The following RBP7 variants were observed in gnomAD, a reference collection of about 807,000 sequenced individuals.
RBP7 encodes the protein retinoid-binding protein 7.
Under a neutral mutation model 16.7 loss-of-function variants are expected in RBP7, and 13 were observed. The observed-to-expected ratio is 0.78, with a 90% CI of 0.51 to 1.24. The LOEUF is 1.24. Ranked by LOEUF, RBP7 falls within the 50% of genes most tolerant of loss-of-function variation. RBP7 has a pLI of 0.00. For synonymous variants in RBP7, 54 were observed against 56.2 expected (o/e 0.96, Z 0.17); for missense variants, 145 against 159.5 (o/e 0.91, Z 0.49).
intron 3 of RBP7, among the ~76,000 whole-genome samples, chr1:10,010,814 C>T (rs1008827850): frequency 6.6e-6 from 1 of 152,092 alleles, no homozygotes; most frequent in African/African-American, 2.4e-5. Flanking sequence ...GAACTCCCGA[C>T]CTCAGGTGAT....
chr1:10,011,179 C>T (rs1642606385), intron 3 of RBP7, among the ~76,000 whole-genome samples: 1 of 152,004 alleles, frequency 6.6e-6, no homozygotes, highest in Admixed American at 6.6e-5. Flanking sequence ...TTTCTTCCCC[C>T]TCATTCTTGC....
rs1447810602 is a variant in RBP7 at position 9,997,228 on chromosome 1, G to A, written c.-31G>A. On this transcript the variant is annotated 5_prime_UTR_variant, in exon 1 of 4. Coordinates refer to ENST00000294435, the MANE Select transcript of RBP7 (RefSeq NM_052960.3). The surrounding 1 kb of genome is among the most constrained non-coding windows in gnomAD (Gnocchi z 5.9). ...TAGGTCCCGGCCCGAGCCTCCGGCC[G>A]CCCGCCGGGTTTGTCCCGCGATCCC... is the stretch of plus-strand genomic sequence containing the variant. The A allele has an allele frequency of 7.8e-7, 1 of 1,276,036 alleles. No individual in the cohort carries two copies. The highest frequency in any genetic ancestry group is 4.6e-5 in the East Asian group (1 of 21,536). 79.0% of individuals were successfully genotyped at this position (1,276,036 alleles called of 1,614,324 possible). A position where few individuals can be genotyped will look rare whatever the true frequency, so the allele number is the denominator to read the frequency against.
intron 3 of RBP7, among the ~76,000 whole-genome samples, chr1:10,011,009 G>A (rs1056933416): frequency 1.1e-4 from 16 of 152,168 alleles, no homozygotes; most frequent in African/African-American, 3.9e-4. Context: ...GATTACAAGC[G>A]TGAGCCACCC....
chr1:10,005,961 A>C (rs1160990989), intron 1 of RBP7, among the ~76,000 whole-genome samples: 4 of 152,078 alleles, frequency 2.6e-5, no homozygotes, highest in African/African-American at 9.7e-5. Flanking sequence ...ACACACTGGC[A>C]CACCCTTCCT....
chr1:10,001,845 T>G (rs866981055), intron 1 of RBP7, among the ~76,000 whole-genome samples: 36 of 62,360 alleles, frequency 5.8e-4, no homozygotes, highest in Non-Finnish European at 1.0e-3. Flanking sequence ...TTATTTATTT[T>G]TGAGACAGAG....
chr1:10,010,841 C>T (rs1642598233), intron 3 of RBP7, among the ~76,000 whole-genome samples: 1 of 152,126 alleles, frequency 6.6e-6, no homozygotes, highest in Non-Finnish European at 1.5e-5. Context: ...ACCTCGGCCT[C>T]CCAAAGTGCT....
intron 1 of RBP7, among the ~76,000 whole-genome samples, chr1:9,998,407 C>CTTTCTTTCTTTCT (rs1553129444): frequency 3.3e-5 from 4 of 121,588 alleles, no homozygotes; most frequent in Non-Finnish European, 4.9e-5. Context: ...TTCTTTCTTT[C>CTTTCTTTCTTTCT]TTTTTTTTTT....
rs189904184 is a variant in RBP7, at chr1:10,008,083, T to G, written c.253-90T>G. The G allele has an allele frequency of 8.6e-5, 71 of 826,774 alleles. No homozygotes were observed. In the African/African-American group the frequency reaches 9.0e-4, roughly 10 times the overall value. The allele number at this position is 826,774 out of a possible 1,614,324, so 51.2% of individuals were successfully genotyped here. A position where few individuals can be genotyped will look rare whatever the true frequency, so the allele number is the denominator to read the frequency against. On this transcript the variant is annotated intron_variant, in intron 2 of 3. Transcript: ENST00000294435. The stretch of plus-strand genomic sequence containing the variant: ...AAAAAAAAAAGCAGTAAGTAGGCTG[T>G]TGATTTTGCAAGGGTAACTTGGCAT...
At chr1:10,014,638 C>T (rs558500504) in intron 3 of RBP7, among the ~76,000 whole-genome samples, 8 of 152,066 alleles carry the variant, frequency 5.3e-5, no homozygotes, top group African/African-American at 1.2e-4. Context: ...CTGCCCGCCT[C>T]GGCCACTCAA....
Position 9,997,805 on chromosome 1 carries a change from C to A in RBP7, c.73+474C>A, listed in dbSNP as rs1305582924. Among the ~76,000 whole-genome samples, 4 of 151,986 alleles carry A rather than the reference C, an allele frequency of 2.6e-5. No homozygotes were observed. In the East Asian group the frequency reaches 5.8e-4, roughly 22 times the overall value. On this transcript the variant is annotated intron_variant, in intron 1 of 3. Transcript: ENST00000294435. This position sits in a 1 kb window ranked among gnomAD's most constrained non-coding sequence, Gnocchi z 5.9. ...GCCGCCTTCCGTGCAGGCCCCGGGG[C>A]CCCGGGCGCGCTCCCGCAGCGAAGT... is the stretch of plus-strand genomic sequence containing the variant.
intron 3 of RBP7, among the ~76,000 whole-genome samples, chr1:10,014,830 T>C (rs1343550039): frequency 6.6e-6 from 1 of 152,048 alleles, no homozygotes; most frequent in African/African-American, 2.4e-5. Flanking sequence ...CAGTCAGAAA[T>C]ATGGGAGGTC....
chr1:10,011,003 A>G (rs939478509), intron 3 of RBP7, among the ~76,000 whole-genome samples: 3 of 152,228 alleles, frequency 2.0e-5, no homozygotes, highest in Non-Finnish European at 4.4e-5. Flanking sequence ...TGCTGGGATT[A>G]CAAGCGTGAG....
chr1:10,015,692 G>C, intron 3 of RBP7, 90 bp from the exon 4 acceptor site: 1 of 1,133,886 alleles, frequency 8.8e-7, no homozygotes, highest in South Asian at 1.3e-5. Flanking sequence ...TCCAGAAAAG[G>C]GTTAAAACAC....
At chr1:10,000,636 T>G (rs1267057622) in intron 1 of RBP7, among the ~76,000 whole-genome samples, 1 of 152,246 alleles carries the variant, frequency 6.6e-6, no homozygotes, top group Non-Finnish European at 1.5e-5. Flanking sequence ...ATATGCTTGT[T>G]CATGTACATG....
rs544669890 is a variant in RBP7, at chr1:10,008,691, G to A, written c.354+417G>A. On this transcript the variant is annotated intron_variant, in intron 3 of 3. Coordinates refer to ENST00000294435, the MANE Select transcript of RBP7 (RefSeq NM_052960.3). ...CTTGACCTCATGATCCACCCGCCTC[G>A]GCCTCCCAAAGTGCTGGGATTACAG... Among the ~76,000 whole-genome samples the A allele has an allele frequency of 5.9e-5, 9 of 151,498 alleles. 1 individual carries two copies. The East Asian group carries it at 1.6e-3, about 27-fold the overall frequency.
chr1:10,008,411 C>T lies in RBP7; in HGVS notation c.354+137C>T, dbSNP rs951913781. 4.9e-5 allele frequency: 26 copies of T among 532,372 alleles called. No individual in the cohort carries two copies. The African/African-American group carries it at 5.0e-4, about 10-fold the overall frequency. The allele number at this position is 532,372 out of a possible 1,614,324, so 33.0% of individuals were successfully genotyped here. ...GTATCACTTGAGGTCAGGAGACTAGCCTGGCCAACATGGTGAAACCCCATC... is the reference window on the plus strand; with the variant it reads ...GTATCACTTGAGGTCAGGAGACTAGTCTGGCCAACATGGTGAAACCCCATC... On this transcript the variant is annotated intron_variant, in intron 3 of 3. Coordinates refer to ENST00000294435, the MANE Select transcript of RBP7 (RefSeq NM_052960.3).
chr1:9,998,383 C>CTTTT (rs1218169993), intron 1 of RBP7, among the ~76,000 whole-genome samples: 3 of 117,958 alleles, frequency 2.5e-5, no homozygotes, highest in Non-Finnish European at 5.7e-5. Context: ...TTTTTGTTTT[C>CTTTT]TTTTTTTCTT....
chr1:10,011,984 T>C (rs1215571702), intron 3 of RBP7, among the ~76,000 whole-genome samples: 1 of 151,794 alleles, frequency 6.6e-6, no homozygotes, highest in Non-Finnish European at 1.5e-5. Context: ...GGTGGATCAC[T>C]TGAGGTCGGG....
At position 9,997,380 on chromosome 1, in the gene RBP7, G is replaced by A; in HGVS notation, c.73+49G>A. 2 of 1,581,698 alleles carry A rather than the reference G, an allele frequency of 1.3e-6. No individual in the cohort carries two copies. The highest frequency in any genetic ancestry group is 1.4e-5 in the African/African-American group (1 of 73,598). ...CGGCGCGAGGCTCGCCGTGGGTCTCGGGATCAGGCGAAGGCGGCCGGGCCG... is the reference window on the plus strand; with the variant it reads ...CGGCGCGAGGCTCGCCGTGGGTCTCAGGATCAGGCGAAGGCGGCCGGGCCG... On this transcript the variant is annotated intron_variant, in intron 1 of 3. Coordinates refer to ENST00000294435, the MANE Select transcript of RBP7 (RefSeq NM_052960.3). This position sits in a 1 kb window ranked among gnomAD's most constrained non-coding sequence, Gnocchi z 5.9.
Sources: gnomAD v4.1 joint callset for allele counts (sites outside exome capture counted in the v4.1 genomes callset) on GRCh38, gnomAD v4.1.1 for gene constraint, Gnocchi (gnomAD v3.1) non-coding constraint, MANE v1.5 for transcripts, NCBI Gene and HGNC (gene_info 2026-07-23, HGNC 2026-07-21) for gene names.